The following IL12RB2 variants were observed in gnomAD, a reference collection of about 807,000 sequenced individuals.
IL12RB2 encodes the protein interleukin-12 receptor subunit beta-2.
A neutral mutation model predicts 89.4 loss-of-function variants in IL12RB2; 82 were observed. The observed-to-expected ratio is 0.92, with a 90% CI of 0.77 to 1.10. The LOEUF (loss-of-function observed/expected upper bound fraction) is 1.10. IL12RB2 is among the 50% of genes least tolerant of loss of function. The pLI, the probability that IL12RB2 is intolerant of heterozygous loss-of-function variation, is 0.00. For missense variants in IL12RB2, 963 were observed against 1,031.9 expected (o/e 0.93, Z 0.92); for synonymous variants, 368 against 370.1 (o/e 0.99, Z 0.07).
At chr1:67,370,295 C>T (rs922094897) in intron 11 of IL12RB2, among the ~76,000 whole-genome samples, 12 of 152,052 alleles carry the variant, frequency 7.9e-5, no homozygotes, top group Non-Finnish European at 1.6e-4. Context: ...GAATACAGCC[C>T]GGCTCCTGAT....
intron 10 of IL12RB2, among the ~76,000 whole-genome samples, chr1:67,363,202 A>G (rs919167684): frequency 6.2e-5 from 9 of 144,132 alleles, no homozygotes; most frequent in African/African-American, 2.3e-4. Context: ...TGCCTGGCCA[A>G]TTATTCTTAT....
intron 2 of IL12RB2, among the ~76,000 whole-genome samples, chr1:67,319,197 T>A: frequency 6.6e-6 from 1 of 152,224 alleles, no homozygotes; most frequent in East Asian, 1.9e-4. Flanking sequence ...AGAGGTAAAC[T>A]TTTGCTTTGC....
chr1:67,309,087 TA>T (rs1654684310), intron 1 of IL12RB2, among the ~76,000 whole-genome samples: 1 of 151,804 alleles, frequency 6.6e-6, no homozygotes, highest in South Asian at 2.1e-4. Context: ...CATATATATA[TA>T]AAGAATAAAG....
At chr1:67,369,882 C>T (rs917612821) in intron 11 of IL12RB2, among the ~76,000 whole-genome samples, 4 of 151,750 alleles carry the variant, frequency 2.6e-5, no homozygotes, top group Admixed American at 1.3e-4. Context: ...ATTAGCTGGG[C>T]GTGGTGGTGG....
intron 1 of IL12RB2, among the ~76,000 whole-genome samples, chr1:67,308,530 A>G (rs189692138): frequency 6.6e-6 from 1 of 152,222 alleles, no homozygotes; most frequent in East Asian, 1.9e-4. Context: ...TACTAGCAAG[A>G]TGCTCTGGTG....
chr1:67,343,535 G>A (rs893923114), intron 9 of IL12RB2, among the ~76,000 whole-genome samples: 1 of 152,152 alleles, frequency 6.6e-6, no homozygotes, highest in Non-Finnish European at 1.5e-5. Context: ...CCCCAGGGTT[G>A]GATTAGGCCC....
At chr1:67,342,129 C>G (rs865898103) in intron 9 of IL12RB2, among the ~76,000 whole-genome samples, 1 of 152,088 alleles carries the variant, frequency 6.6e-6, no homozygotes. Context: ...GCAGCCAGAT[C>G]GCTTTGTGAC....
At chr1:67,357,063 T>C (rs1661477722) in intron 10 of IL12RB2, among the ~76,000 whole-genome samples, 1 of 152,166 alleles carries the variant, frequency 6.6e-6, no homozygotes, top group South Asian at 2.1e-4. Flanking sequence ...CTCTTAAATA[T>C]AGCATGTTTT....
chr1:67,345,872 CAAGA>C (rs2100805828), intron 9 of IL12RB2, among the ~76,000 whole-genome samples: 1 of 152,110 alleles, frequency 6.6e-6, no homozygotes, highest in African/African-American at 2.4e-5. Flanking sequence ...AGTAGGTAGC[CAAGA>C]ATTAACAGAA....
At chr1:67,383,920 G>C (rs1664870644) in intron 14 of IL12RB2, among the ~76,000 whole-genome samples, 1 of 152,220 alleles carries the variant, frequency 6.6e-6, no homozygotes, top group Non-Finnish European at 1.5e-5. Context: ...CCACAGCCTT[G>C]GGCAGCTCCA....
At chr1:67,382,456 C>A (rs1236330319) in intron 14 of IL12RB2, among the ~76,000 whole-genome samples, 1 of 124,816 alleles carries the variant, frequency 8.0e-6, no homozygotes, top group African/African-American at 3.0e-5. Context: ...ATCAGTGGTT[C>A]CCCAGGGGCC....
chr1:67,326,947 A>T (rs534234209), intron 5 of IL12RB2, 98 bp downstream of exon 5: 210 of 652,486 alleles, frequency 3.2e-4, no homozygotes, highest in Non-Finnish European at 3.7e-4. Context: ...ATTTTATTTT[A>T]TTTATTTATT....
rs962699056 is a variant in IL12RB2, at chr1:67,396,568, A to G, written c.*479A>G. ...TACCTCTGCACTCACTGTCCAGTAC[A>G]TTAGACACTAGGCACATTGGCTGTT... On this transcript the variant is annotated 3_prime_UTR_variant, in exon 17 of 17. Coordinates refer to ENST00000674203, the MANE Select transcript of IL12RB2 (RefSeq NM_001374259.2). 3 of 195,250 alleles carry G rather than the reference A, an allele frequency of 1.5e-5. No individual in the cohort carries two copies. Among genetic ancestry groups the G allele is most frequent in the Admixed American group, 5.4e-5 (1 of 18,674 alleles). The allele number at this position is 195,250 out of a possible 1,614,324, so 12.1% of individuals were successfully genotyped here.
chr1:67,326,656 C>A, intron 4 of IL12RB2, 79 bp from the exon 5 acceptor site: 2 of 1,564,828 alleles, frequency 1.3e-6, no homozygotes, highest in South Asian at 2.3e-5. Flanking sequence ...GACGTATTGT[C>A]ATGTTGATGG....
At chr1:67,386,705 G>A (rs745609130) in intron 15 of IL12RB2, 36 bp downstream of exon 15, 1 of 1,360,882 alleles carries the variant, frequency 7.3e-7, no homozygotes, top group African/African-American at 1.4e-5. Context: ...GGTAAATGAG[G>A]CTTTTAAAAA....
intron 4 of IL12RB2, among the ~76,000 whole-genome samples, chr1:67,322,292 G>A (rs17129782): frequency 0.044 from 6,684 of 152,112 alleles, 177 homozygotes; most frequent in Non-Finnish European, 0.048. Flanking sequence ...AGCACCTCTC[G>A]TCCTATCTAA....
intron 10 of IL12RB2, among the ~76,000 whole-genome samples, chr1:67,361,224 C>A (rs916725933): frequency 2.6e-5 from 4 of 152,066 alleles, no homozygotes; most frequent in African/African-American, 9.7e-5. Flanking sequence ...AAATCATATC[C>A]ACCTTTCAAC....
intron 14 of IL12RB2, among the ~76,000 whole-genome samples, chr1:67,381,609 C>A (rs1664581662): frequency 6.6e-6 from 1 of 151,530 alleles, no homozygotes; most frequent in African/African-American, 2.4e-5. Flanking sequence ...TAAAAAAATA[C>A]AAAAAAATTA....
At chr1:67,371,877 T>C (rs1186033268) in intron 11 of IL12RB2, among the ~76,000 whole-genome samples, 1 of 152,226 alleles carries the variant, frequency 6.6e-6, no homozygotes, top group Non-Finnish European at 1.5e-5. Flanking sequence ...TGGTTAGTTA[T>C]GCCTGAGTGT....
Sources: allele counts gnomAD v4.1 joint callset (sites outside exome capture counted in the v4.1 genomes callset), GRCh38; gene constraint gnomAD v4.1.1; transcripts MANE v1.5; gene names NCBI Gene and HGNC (gene_info 2026-07-23, HGNC 2026-07-21).